ADCY3: variants seen among roughly 807,000 people sequenced by gnomAD.
The protein encoded by ADCY3 is adenylate cyclase type 3.
A neutral mutation model predicts 119.4 loss-of-function variants in ADCY3; 70 were observed. The ratio of observed to expected loss-of-function variants is 0.59; its 90% CI spans 0.48 to 0.72. ADCY3 has a LOEUF of 0.72. Ranked by LOEUF, ADCY3 falls within the 30% of genes least tolerant of loss-of-function variation. ADCY3 has a pLI of 0.00. For synonymous variants in ADCY3, 672 were observed against 621.4 expected, an observed-to-expected ratio of 1.08 and a Z score of -1.21; for missense variants, 1,238 against 1,541.6, an observed-to-expected ratio of 0.80 and a Z score of 3.30.
chr2:24,868,768 G>A (rs990523768), intron 3 of ADCY3, among the ~76,000 whole-genome samples: 1 of 152,064 alleles, frequency 6.6e-6, no homozygotes, highest in Non-Finnish European at 1.5e-5. Flanking sequence ...TGTAATCCCA[G>A]CACTTTGGGA....
intron 3 of ADCY3, among the ~76,000 whole-genome samples, chr2:24,859,042 A>T (rs955412128): frequency 3.3e-5 from 5 of 152,266 alleles, no homozygotes; most frequent in Admixed American, 1.3e-4. Context: ...CCTACTTCGC[A>T]TTATGGGGAA....
intron 20 of ADCY3, chr2:24,821,121 T>G (rs1385511760): frequency 2.1e-6 from 1 of 470,482 alleles, no homozygotes; most frequent in Non-Finnish European, 3.8e-6. Context: ...TCAAGTCTCC[T>G]GGGACCTCAC....
chr2:24,877,934 G>T (rs1323011046), intron 2 of ADCY3: 1 of 471,238 alleles, frequency 2.1e-6, no homozygotes, highest in Admixed American at 2.3e-5. Context: ...AACCCATGAG[G>T]TTGAGAAGCC....
Position 24,878,073 on chromosome 2 carries a change from G to T in ADCY3, c.676-5354C>A. 1 of 276,164 alleles carries T rather than the reference G, an allele frequency of 3.6e-6. No individual in the cohort carries two copies. 17.1% of individuals were successfully genotyped at this position (276,164 alleles called of 1,614,324 possible). A position where few individuals can be genotyped will look rare whatever the true frequency, so the allele number is the denominator to read the frequency against. ...TCTCTATTTATAGATCTTTTTACAAGTTTCTTAATCCTAAAGTTTTCCTGG... is the reference window on the plus strand; with the variant it reads ...TCTCTATTTATAGATCTTTTTACAATTTTCTTAATCCTAAAGTTTTCCTGG... On this transcript the variant is annotated intron_variant, in intron 2 of 21. Transcript: ENST00000679454. This position sits in a 1 kb window ranked among gnomAD's most constrained non-coding sequence, Gnocchi z 4.0.
At position 24,872,784 on chromosome 2, in the gene ADCY3, G is replaced by A. The variant is rs188095421; in HGVS notation, c.676-65C>T. The A allele has an allele frequency of 6.3e-7, 1 of 1,578,102 alleles. No individual in the cohort carries two copies. The highest frequency in any genetic ancestry group is 2.3e-5 in the East Asian group (1 of 44,320). ...AGGCACGTCTTCAGAAAAGGGGATG[G>A]AGAAGGGGATGGAGGAGGTGGGGTG... On this transcript the variant is annotated intron_variant, in intron 2 of 21. Coordinates refer to ENST00000679454, the MANE Select transcript of ADCY3 (RefSeq NM_004036.5). The surrounding 1 kb of genome is among the most constrained non-coding windows in gnomAD (Gnocchi z 4.4).
chr2:24,845,787 C>A (rs1373334584), intron 3 of ADCY3, among the ~76,000 whole-genome samples: 1 of 152,234 alleles, frequency 6.6e-6, no homozygotes, highest in African/African-American at 2.4e-5. Flanking sequence ...CCCCTCCCAC[C>A]ACAGGCCCTG....
Position 24,831,721 on chromosome 2 carries a change from C to T in ADCY3, c.1996G>A (p.Val666Met), listed in dbSNP as rs757719442. 2 of 1,613,930 alleles carry T rather than the reference C, an allele frequency of 1.2e-6. No homozygotes were observed. Among genetic ancestry groups the T allele is most frequent in the Non-Finnish European group, 8.5e-7 (1 of 1,179,984 alleles). ...WLMTNYVTFM[V>M]GEILLLILTI... ...AGGATGAGGAGCAGAATCTCCCCCACCATGAAGGTCACATAGTTTGTCATT... is the reference window on the plus strand; with the variant it reads ...AGGATGAGGAGCAGAATCTCCCCCATCATGAAGGTCACATAGTTTGTCATT... The change falls in exon 12 of 22, where the codon GTG becomes ATG. Residue 666 changes from valine (V) to methionine (M), a missense_variant. Val to Met is a conservative substitution (Grantham distance 21). Transcript: ENST00000679454.
At chr2:24,890,844 G>C (rs1170931145) in intron 2 of ADCY3, among the ~76,000 whole-genome samples, 1 of 151,838 alleles carries the variant, frequency 6.6e-6, no homozygotes, top group Non-Finnish European at 1.5e-5. Flanking sequence ...AAGCTTCTAA[G>C]GTAGAAGCTT....
At chr2:24,827,757 G>A in intron 14 of ADCY3, 145 bp downstream of exon 14, 5 of 1,423,938 alleles carry the variant, frequency 3.5e-6, no homozygotes, top group Non-Finnish European at 3.9e-6. Context: ...ACGTCTGTGA[G>A]CAGCCAGGAA....
At position 24,834,952 on chromosome 2, in the gene ADCY3, G is replaced by A; in HGVS notation, c.1663-16C>T. 1 of 1,611,512 alleles carries A rather than the reference G, an allele frequency of 6.2e-7. No individual in the cohort carries two copies. Among genetic ancestry groups the A allele is most frequent in the Non-Finnish European group, 8.5e-7 (1 of 1,179,308 alleles). On this transcript the variant is annotated splice_polypyrimidine_tract_variant and intron_variant, in intron 9 of 21. Transcript: ENST00000679454. The surrounding 1 kb of genome is among the most constrained non-coding windows in gnomAD (Gnocchi z 4.2). Reference sequence around the variant, plus strand: ...GGTTGTCGGCCTGTGAGCCAGGGAGGCAGCGTGAGTGGGGCAGATGGGACA... The same window carrying A: ...GGTTGTCGGCCTGTGAGCCAGGGAGACAGCGTGAGTGGGGCAGATGGGACA...
intron 2 of ADCY3, among the ~76,000 whole-genome samples, chr2:24,882,076 T>C (rs1380138365): frequency 6.6e-6 from 1 of 152,230 alleles, no homozygotes; most frequent in Non-Finnish European, 1.5e-5. Flanking sequence ...TCTGAAGCAA[T>C]GGTGTGAACA....
chr2:24,822,604 C>A lies in ADCY3; in HGVS notation c.2910G>T (p.Val970=). The change falls in exon 19 of 22, where the codon GTG becomes GTT. Residue 970 remains valine (V), a synonymous_variant. Coordinates refer to ENST00000679454, the MANE Select transcript of ADCY3 (RefSeq NM_004036.5). ...TGCCAATGGTTTTGATCTTGGTGAT[C>A]ACCCGGAACTTGGGATTGTCCAGGA... ...DSLLDNPKFR[V]ITKIKTIGST... is the part of the protein sequence containing the mutation. 1 of 1,614,086 alleles carries A rather than the reference C, an allele frequency of 6.2e-7. No homozygotes were observed. Among genetic ancestry groups the A allele is most frequent in the South Asian group, 1.1e-5 (1 of 91,064 alleles).
intron 2 of ADCY3, among the ~76,000 whole-genome samples, chr2:24,888,974 A>G (rs556358199): frequency 6.6e-6 from 1 of 152,312 alleles, no homozygotes; most frequent in East Asian, 1.9e-4. Flanking sequence ...ACACCACTGC[A>G]CTCTAGCATG....
rs913899373 is a variant in ADCY3 at position 24,834,405 on chromosome 2, G to A, written c.1967+80C>T. 12 of 1,299,312 alleles carry A rather than the reference G, an allele frequency of 9.2e-6. No individual in the cohort carries two copies. The East Asian group carries it at 1.5e-4, about 17-fold the overall frequency. 80.5% of individuals were successfully genotyped at this position (1,299,312 alleles called of 1,614,324 possible). A position where few individuals can be genotyped will look rare whatever the true frequency, so the allele number is the denominator to read the frequency against. ...GCTTGCTCCCCAATGTCAGGCTCCC[G>A]CTGAGACACCTGCCCCCGCCCCCCG... On this transcript the variant is annotated intron_variant, in intron 11 of 21. Transcript: ENST00000679454. The surrounding 1 kb of genome is among the most constrained non-coding windows in gnomAD (Gnocchi z 4.2).
intron 8 of ADCY3, among the ~76,000 whole-genome samples, chr2:24,837,317 G>A (rs143675766): frequency 2.6e-5 from 4 of 152,314 alleles, no homozygotes; most frequent in Non-Finnish European, 5.9e-5. Flanking sequence ...GGAGCTTTGG[G>A]CAGGTGGCAT....
chr2:24,840,962 G>A (rs995212070), intron 6 of ADCY3, among the ~76,000 whole-genome samples: 1 of 152,234 alleles, frequency 6.6e-6, no homozygotes, highest in Non-Finnish European at 1.5e-5. Context: ...GGAGGCGTGA[G>A]AAAATTCACA....
intron 3 of ADCY3, among the ~76,000 whole-genome samples, chr2:24,862,836 C>T (rs1325362011): frequency 6.6e-6 from 1 of 152,000 alleles, no homozygotes; most frequent in East Asian, 1.9e-4. Context: ...TTTTGGTGGC[C>T]TCTTCTACTT....
At chr2:24,843,148 G>A (rs975061575) in intron 3 of ADCY3, among the ~76,000 whole-genome samples, 3 of 152,224 alleles carry the variant, frequency 2.0e-5, no homozygotes, top group Non-Finnish European at 4.4e-5. Flanking sequence ...TTTCTGTGGA[G>A]GTAAAAACAG....
intron 3 of ADCY3, among the ~76,000 whole-genome samples, chr2:24,849,084 T>C (rs1671992721): frequency 6.6e-6 from 1 of 152,194 alleles, no homozygotes; most frequent in Admixed American, 6.5e-5. Context: ...TTTAAGAACG[T>C]CACAGCACCG....
Sources: gnomAD v4.1 joint callset for allele counts (sites outside exome capture counted in the v4.1 genomes callset) on GRCh38, gnomAD v4.1.1 for gene constraint, Gnocchi (gnomAD v3.1) non-coding constraint, MANE v1.5 for transcripts, NCBI Gene and HGNC (gene_info 2026-07-23, HGNC 2026-07-21) for gene names.